STPG2: variants seen among roughly 807,000 people sequenced by gnomAD.
STPG2 encodes sperm-tail PG-rich repeat-containing protein 2.
In STPG2, 56 loss-of-function variants were observed where a neutral mutation model predicts 54.2. The observed-to-expected ratio is 1.03, with a 90% CI of 0.83 to 1.29. The LOEUF (loss-of-function observed/expected upper bound fraction) is 1.29. Ranked by LOEUF, STPG2 falls within the 50% of genes most tolerant of loss-of-function variation. STPG2 has a pLI of 0.00. For missense variants in STPG2, 596 were observed against 544.9 expected (o/e 1.09, Z -0.93); for synonymous variants, 200 against 181.8 (o/e 1.10, Z -0.81).
At chr4:97,683,936 A>G (rs929618102) in intron 10 of STPG2, among the ~76,000 whole-genome samples, 8 of 150,390 alleles carry the variant, frequency 5.3e-5, no homozygotes, top group African/African-American at 1.7e-4. Context: ...AACATACACA[A>G]AAGTCAGTTG....
At chr4:97,635,605 G>A (rs1441900150) in intron 10 of STPG2, among the ~76,000 whole-genome samples, 1 of 152,168 alleles carries the variant, frequency 6.6e-6, no homozygotes, top group Non-Finnish European at 1.5e-5. Context: ...CGTCTCACGT[G>A]CAGAGACACA....
At chr4:97,594,870 C>T (rs1256271071) in intron 10 of STPG2, among the ~76,000 whole-genome samples, 1 of 152,172 alleles carries the variant, frequency 6.6e-6, no homozygotes, top group Non-Finnish European at 1.5e-5. Context: ...CACTGGCCTT[C>T]AGAGAAATGC....
chr4:97,848,385 A>C (rs2149128073), intron 8 of STPG2, among the ~76,000 whole-genome samples: 1 of 152,272 alleles, frequency 6.6e-6, no homozygotes, highest in South Asian at 2.1e-4. Flanking sequence ...AGGAAGACAA[A>C]ATTTCCTCAG....
chr4:97,662,317 A>G (rs1722397022), intron 10 of STPG2, among the ~76,000 whole-genome samples: 1 of 152,194 alleles, frequency 6.6e-6, no homozygotes, highest in South Asian at 2.1e-4. Context: ...GCAAATCAAA[A>G]CTACAATAAG....
At chr4:97,662,543 A>G (rs1307291406) in intron 10 of STPG2, among the ~76,000 whole-genome samples, 1 of 152,186 alleles carries the variant, frequency 6.6e-6, no homozygotes, top group African/African-American at 2.4e-5. Flanking sequence ...TCATTCTACC[A>G]AAAAGACACA....
intron 8 of STPG2, among the ~76,000 whole-genome samples, chr4:97,896,238 A>G (rs1730948841): frequency 6.6e-6 from 1 of 151,816 alleles, no homozygotes; most frequent in Non-Finnish European, 1.5e-5. Flanking sequence ...GTGGCAAGAG[A>G]GACAGAATTA....
At chr4:97,743,092 A>T (rs112487385) in intron 9 of STPG2, among the ~76,000 whole-genome samples, 1 of 151,952 alleles carries the variant, frequency 6.6e-6, no homozygotes, top group African/African-American at 2.4e-5. Flanking sequence ...CTTTTGTTTC[A>T]GGTATACAGT....
At chr4:97,838,722 A>G (rs919281643) in intron 9 of STPG2, among the ~76,000 whole-genome samples, 1 of 151,514 alleles carries the variant, frequency 6.6e-6, no homozygotes, top group African/African-American at 2.4e-5. Context: ...TTTAGAGCAA[A>G]ATTTTGGATG....
At chr4:98,028,037 G>A (rs1736480627) in intron 5 of STPG2, among the ~76,000 whole-genome samples, 1 of 151,674 alleles carries the variant, frequency 6.6e-6, no homozygotes, top group African/African-American at 2.4e-5. Flanking sequence ...TCTATTTTTG[G>A]CCTCTTCAGA....
chr4:97,903,377 A>C (rs932515920), intron 8 of STPG2, among the ~76,000 whole-genome samples: 1 of 152,164 alleles, frequency 6.6e-6, no homozygotes, highest in Non-Finnish European at 1.5e-5. Context: ...ATTACACTTC[A>C]TTATAGCTGG....
chr4:98,132,762 T>C (rs1005983795), intron 2 of STPG2, among the ~76,000 whole-genome samples: 1 of 151,998 alleles, frequency 6.6e-6, no homozygotes. Flanking sequence ...AAGGGGATAG[T>C]AAGAGAAGAT....
intron 6 of STPG2, among the ~76,000 whole-genome samples, chr4:97,976,215 C>A (rs1734494048): frequency 6.6e-6 from 1 of 152,240 alleles, no homozygotes; most frequent in African/African-American, 2.4e-5. Flanking sequence ...ATTATTCCCG[C>A]TGCTGTTCAA....
chr4:97,885,130 C>A (rs771817014), intron 8 of STPG2, among the ~76,000 whole-genome samples: 2 of 151,846 alleles, frequency 1.3e-5, no homozygotes, highest in Admixed American at 6.6e-5. Flanking sequence ...GAGCTTATAT[C>A]AATGTGGGAA....
chr4:97,836,650 T>C (rs187405974), intron 9 of STPG2, among the ~76,000 whole-genome samples: 370 of 151,750 alleles, frequency 2.4e-3, no homozygotes, highest in Non-Finnish European at 4.3e-3. Flanking sequence ...CACTCTAAAC[T>C]CTCAATCCTT....
chr4:97,513,620 T>C (rs577650651), intron 4 of STPG2, among the ~76,000 whole-genome samples: 6 of 152,242 alleles, frequency 3.9e-5, no homozygotes, highest in South Asian at 2.1e-4. Context: ...TATATACATA[T>C]GCACATATAC....
intron 4 of STPG2, among the ~76,000 whole-genome samples, chr4:97,456,974 T>C (rs998684525): frequency 2.7e-5 from 4 of 149,088 alleles, no homozygotes; most frequent in African/African-American, 1.0e-4. Context: ...AAGAAGATTA[T>C]ATAATGGCAA....
intron 10 of STPG2, among the ~76,000 whole-genome samples, chr4:97,584,915 G>A (rs1009097945): frequency 3.3e-5 from 5 of 151,646 alleles, no homozygotes; most frequent in African/African-American, 1.2e-4. Flanking sequence ...TGGATTCACA[G>A]CTGAATTCTT....
At chr4:97,894,803 T>C (rs1730898750) in intron 8 of STPG2, among the ~76,000 whole-genome samples, 1 of 151,916 alleles carries the variant, frequency 6.6e-6, no homozygotes, top group Non-Finnish European at 1.5e-5. Context: ...GTCTCAACAA[T>C]AGCTGTCAGC....
intron 10 of STPG2, among the ~76,000 whole-genome samples, chr4:97,702,276 T>C (rs920772889): frequency 6.6e-6 from 1 of 152,194 alleles, no homozygotes; most frequent in Non-Finnish European, 1.5e-5. Context: ...AGTCCCCACT[T>C]AGTGGGCCCA....
Sources: gnomAD v4.1 joint callset for allele counts (sites outside exome capture counted in the v4.1 genomes callset) on GRCh38, gnomAD v4.1.1 for gene constraint, MANE v1.5 for transcripts, NCBI Gene and HGNC (gene_info 2026-07-23, HGNC 2026-07-21) for gene names.